SPEG: variants seen among roughly 807,000 people sequenced by gnomAD.
The protein encoded by SPEG is striated muscle preferentially expressed protein kinase.
A neutral mutation model predicts 300.4 loss-of-function variants in SPEG; 114 were observed. The observed-to-expected ratio is 0.38, with a 90% CI of 0.33 to 0.44. The LOEUF is 0.44. Ranked by LOEUF, SPEG falls within the 20% of genes least tolerant of loss-of-function variation. The pLI, the probability that SPEG is intolerant of heterozygous loss-of-function variation, is 1.00. For missense variants in SPEG, 4,201 were observed against 4,586.2 expected (o/e 0.92, Z 2.43); for synonymous variants, 1,964 against 2,018.9 (o/e 0.97, Z 0.73).
chr2:219,447,992 G>C lies in SPEG; in HGVS notation c.834G>C (p.Gly278=), dbSNP rs757876658. Residue 278 remains glycine, a synonymous_variant, in exon 4 of 41, where the codon GGG becomes GGC. Transcript: ENST00000312358. ...TCTGCAGCAGCGTCCCTCAGAGCGG[G>C]TTGCGCAGGGAGGAGCCCGACCTTC... ...LSIHVSVPQS[G]LRREEPDLQP... 10 of 1,612,500 alleles carry C rather than the reference G, an allele frequency of 6.2e-6. No homozygotes were observed. In the East Asian group the frequency reaches 2.0e-4, roughly 32 times the overall value.
chr2:219,473,696 T>G lies in SPEG; in HGVS notation c.4272-32T>G. On this transcript the variant is annotated intron_variant, in intron 17 of 40. Transcript: ENST00000312358. The surrounding 1 kb of genome is among the most constrained non-coding windows in gnomAD (Gnocchi z 4.6). ...CTGGCCGGAATGCCCTGGGGCAAGATCTGGGTGACCTCCCTGTCATGTGTC... is the reference window on the plus strand; with the variant it reads ...CTGGCCGGAATGCCCTGGGGCAAGAGCTGGGTGACCTCCCTGTCATGTGTC... 1 of 1,612,974 alleles carries G rather than the reference T, an allele frequency of 6.2e-7. No individual in the cohort carries two copies. Among genetic ancestry groups the G allele is most frequent in the Non-Finnish European group, 8.5e-7 (1 of 1,179,178 alleles).
chr2:219,460,569 C>G (rs1243597089), intron 6 of SPEG: 2 of 985,348 alleles, frequency 2.0e-6, no homozygotes, highest in African/African-American at 1.7e-5. Flanking sequence ...GGGCTTTGCT[C>G]TTGTCAGGGT....
chr2:219,438,388 T>A (rs1044308151), intron 1 of SPEG, among the ~76,000 whole-genome samples: 8 of 152,184 alleles, frequency 5.3e-5, no homozygotes, highest in African/African-American at 1.9e-4. Context: ...AAGCCAGGTA[T>A]CTGAGTCTGG....
chr2:219,447,732 C>T (rs1418560486), intron 3 of SPEG, among the ~76,000 whole-genome samples: 1 of 151,920 alleles, frequency 6.6e-6, no homozygotes, highest in Non-Finnish European at 1.5e-5. Context: ...AGTCCTGGGG[C>T]TGAGTCTGTA....
chr2:219,446,616 A>G (rs1352322926), intron 3 of SPEG, among the ~76,000 whole-genome samples: 1 of 152,104 alleles, frequency 6.6e-6, no homozygotes, highest in African/African-American at 2.4e-5. Flanking sequence ...GGACCCCTAG[A>G]ACTGCTCATG....
chr2:219,440,561 T>TTTTATTTATTTATTTA, intron 1 of SPEG, among the ~76,000 whole-genome samples: 1 of 143,654 alleles, frequency 7.0e-6, no homozygotes, highest in African/African-American at 2.6e-5. Flanking sequence ...ATTTATTTTA[T>TTTTATTTATTTATTTA]TTTATTTATT....
At chr2:219,441,587 G>T (rs577791244) in intron 1 of SPEG, 1 of 470,866 alleles carries the variant, frequency 2.1e-6, no homozygotes, top group South Asian at 1.5e-5. Context: ...GAGGCCCCGC[G>T]GGAGGAGGTG....
At chr2:219,452,108 AGG>A (rs1689806771) in intron 6 of SPEG, among the ~76,000 whole-genome samples, 1 of 152,228 alleles carries the variant, frequency 6.6e-6, no homozygotes, top group Non-Finnish European at 1.5e-5. Flanking sequence ...TTCCCTGAAC[AGG>A]GTCCTGTGGG....
In SPEG at chr2:219,483,805, C is replaced by T; in HGVS notation, c.6342C>T (p.Pro2114=). Residue 2114 remains proline, a synonymous_variant, in exon 30 of 41, where the codon CCC becomes CCT. Coordinates refer to ENST00000312358, the MANE Select transcript of SPEG (RefSeq NM_005876.5). ...MARAASSEAA[P]HHQPPLENRG... ...GAGCTGCCTCCAGCGAGGCAGCGCCCCACCACCAGCCCCCACTCGAGAACC... is the reference window on the plus strand; with the variant it reads ...GAGCTGCCTCCAGCGAGGCAGCGCCTCACCACCAGCCCCCACTCGAGAACC... 6.4e-7 allele frequency: 1 copy of T among 1,573,788 alleles called. No individual in the cohort carries two copies. Among genetic ancestry groups the T allele is most frequent in the Non-Finnish European group, 8.6e-7 (1 of 1,167,014 alleles).
chr2:219,448,673 G>C lies in SPEG; in HGVS notation c.1515G>C (p.Thr505=). 1 of 1,492,378 alleles carries C rather than the reference G, an allele frequency of 6.7e-7. No homozygotes were observed. Among genetic ancestry groups the C allele is most frequent in the Non-Finnish European group, 8.9e-7 (1 of 1,129,266 alleles). The allele number at this position is 1,492,378 out of a possible 1,614,324, so 92.4% of individuals were successfully genotyped here. A position where few individuals can be genotyped will look rare whatever the true frequency, so the allele number is the denominator to read the frequency against. The change falls in exon 4 of 41, where the codon ACG becomes ACC. Residue 505 remains threonine (T), a synonymous_variant. Coordinates refer to ENST00000312358, the MANE Select transcript of SPEG (RefSeq NM_005876.5). ...AGCTGGGCCGCATCCGCCGCTCCAC[G>C]TCGCGGGAGGAGCTGGTGCGCTCGC... ...AQELGRIRRS[T]SREELVRSHE...
chr2:219,483,969 C>T lies in SPEG; in HGVS notation c.6506C>T (p.Ala2169Val). The change falls in exon 30 of 41, where the codon GCC becomes GTC. Residue 2169 changes from alanine (A) to valine (V), a missense_variant. By Grantham distance (64) the Ala-to-Val change is moderately conservative. Transcript: ENST00000312358. Reference sequence around the variant, plus strand: ...CTACAGGAGTCTCCTTCCCTGTCTGCCCTCAGCGAGGCCCAGCCATCCAGC... The same window carrying T: ...CTACAGGAGTCTCCTTCCCTGTCTGTCCTCAGCGAGGCCCAGCCATCCAGC... The part of the protein sequence containing the change: ...RRLQESPSLS[A>V]LSEAQPSSPA... 1.9e-6 allele frequency: 3 copies of T among 1,609,504 alleles called. No individual in the cohort carries two copies. The highest frequency in any genetic ancestry group is 1.7e-6 in the Non-Finnish European group (2 of 1,179,876).
chr2:219,452,163 C>T (rs867563951), intron 6 of SPEG, among the ~76,000 whole-genome samples: 7 of 152,174 alleles, frequency 4.6e-5, no homozygotes, highest in South Asian at 2.1e-4. Context: ...AGAATCTCTC[C>T]GCTCACAGGG....
rs765090025 is a variant in SPEG at position 219,489,533 on chromosome 2, G to A, written c.8515G>A (p.Gly2839Ser). ...GGCCTTGTCCTCGCTCAAGGCTGTG[G>A]GTCCACCACCCCAAACCCCTCCACG... ...SQALSSLKAV[G>S]PPPQTPPRRH... Residue 2839 changes from glycine to serine, a missense_variant, in exon 36 of 41, where the codon GGT (glycine) becomes AGT (serine). Gly to Ser is a moderately conservative substitution (Grantham distance 56). Transcript: ENST00000312358. 1 of 1,613,268 alleles carries A rather than the reference G, an allele frequency of 6.2e-7. No individual in the cohort carries two copies. The highest frequency in any genetic ancestry group is 1.7e-5 in the Admixed American group (1 of 59,976).
chr2:219,441,734 C>A, intron 1 of SPEG: 3 of 377,566 alleles, frequency 7.9e-6, no homozygotes, highest in Non-Finnish European at 1.6e-5. Context: ...TGGCTCTCGG[C>A]GTTAGGAGGT....
At position 219,449,256 on chromosome 2, in the gene SPEG, A is replaced by C; in HGVS notation, c.2098A>C (p.Thr700Pro). 1 of 1,388,310 alleles carries C rather than the reference A, an allele frequency of 7.2e-7. No individual in the cohort carries two copies. Among genetic ancestry groups the C allele is most frequent in the Non-Finnish European group, 9.3e-7 (1 of 1,072,214 alleles). The allele number at this position is 1,388,310 out of a possible 1,614,324, so 86.0% of individuals were successfully genotyped here. Residue 700 changes from threonine to proline, a missense_variant, in exon 4 of 41, where the codon ACC (threonine) becomes CCC (proline). Transcript: ENST00000312358. ...GGGCAAAGGTCGCCGGGCCCGGCCC[A>C]CCTCCCCTGAGCTCGGTAAGGCCTC... ...SQGKGRRARP[T>P]SPELESSDDS...
In SPEG at chr2:219,488,556, GCAGCTGCT is replaced by G; in HGVS notation, c.7922_7929del (p.Leu2641HisfsTer13). 2 of 1,610,776 alleles carry G rather than the reference GCAGCTGCT, an allele frequency of 1.2e-6. No homozygotes were observed. Among genetic ancestry groups the G allele is most frequent in the Non-Finnish European group, 1.7e-6 (2 of 1,178,662 alleles). On this transcript the variant is annotated frameshift_variant, in exon 33 of 41. Coordinates refer to ENST00000312358, the MANE Select transcript of SPEG (RefSeq NM_005876.5). LOFTEE classifies it high-confidence loss of function. ...TCATCGTGTCCTGCAAAGATGGGCG[GCAGCTGCT>G]CAGCATCCCCCGGGCGGGCAAGCGG... is the stretch of plus-strand genomic sequence containing the variant.
rs1692046539 is a variant in SPEG at position 219,473,217 on chromosome 2, G to A, written c.4147+121G>A. 3.0e-6 allele frequency: 3 copies of A among 1,009,456 alleles called. No homozygotes were observed. Among genetic ancestry groups the A allele is most frequent in the East Asian group, 2.6e-5 (1 of 38,302 alleles). The allele number at this position is 1,009,456 out of a possible 1,614,324, so 62.5% of individuals were successfully genotyped here. A position where few individuals can be genotyped will look rare whatever the true frequency, so the allele number is the denominator to read the frequency against. ...TAACTGGCAGGAGCAGCCTAGCCGGGCGGGACCTTGGCCCATCTGTACACT... is the reference window on the plus strand; with the variant it reads ...TAACTGGCAGGAGCAGCCTAGCCGGACGGGACCTTGGCCCATCTGTACACT... On this transcript the variant is annotated intron_variant, in intron 16 of 40. Transcript: ENST00000312358. This position sits in a 1 kb window ranked among gnomAD's most constrained non-coding sequence, Gnocchi z 4.6.
intron 9 of SPEG, chr2:219,465,918 T>C (rs1233871876): frequency 1.4e-6 from 1 of 707,320 alleles, no homozygotes; most frequent in Non-Finnish European, 2.4e-6. Context: ...CATGCGTGTG[T>C]GTGTGCGCGC....
At chr2:219,454,366 A>G (rs981286396) in intron 6 of SPEG, among the ~76,000 whole-genome samples, 4 of 151,966 alleles carry the variant, frequency 2.6e-5, no homozygotes, top group Admixed American at 2.0e-4. Context: ...CCCAAAGCGG[A>G]TGTGTGGATG....
Sources: allele counts gnomAD v4.1 joint callset (sites outside exome capture counted in the v4.1 genomes callset), GRCh38; gene constraint gnomAD v4.1.1; non-coding constraint Gnocchi (gnomAD v3.1); transcripts MANE v1.5; gene names NCBI Gene and HGNC (gene_info 2026-07-23, HGNC 2026-07-21).